Variants in CCDC171 observed in about 807,000 individuals in gnomAD.
The protein encoded by CCDC171 is coiled-coil domain containing 171.
In CCDC171, 177 loss-of-function variants were observed where a neutral mutation model predicts 168.2. The ratio of observed to expected loss-of-function variants is 1.05; its 90% CI spans 0.93 to 1.19. CCDC171 has a LOEUF of 1.19. Ranked by LOEUF, CCDC171 falls within the 50% of genes most tolerant of loss-of-function variation. The probability of loss-of-function intolerance (pLI) is 0.00; values close to 1 mark genes in which losing one functional copy is unlikely to be tolerated. For synonymous variants in CCDC171, 687 were observed against 540.8 expected (o/e 1.27, Z -3.75); for missense variants, 1,991 against 1,539.0 (o/e 1.29, Z -4.91).
intron 25 of CCDC171, among the ~76,000 whole-genome samples, chr9:15,957,388 G>C (rs1429605557): frequency 6.6e-6 from 1 of 152,148 alleles, no homozygotes; most frequent in East Asian, 1.9e-4. Flanking sequence ...CCCGCAGACT[G>C]GAACACAGTT....
chr9:15,897,713 G>C (rs1294734564), intron 24 of CCDC171, among the ~76,000 whole-genome samples: 3 of 152,132 alleles, frequency 2.0e-5, no homozygotes, highest in African/African-American at 7.2e-5. Flanking sequence ...CAATAAAAGA[G>C]AGAATATGGA....
At chr9:15,590,406 C>G (rs544268888) in intron 4 of CCDC171, among the ~76,000 whole-genome samples, 177 of 152,262 alleles carry the variant, frequency 1.2e-3, no homozygotes, top group African/African-American at 4.1e-3. Flanking sequence ...ATTCTTATTT[C>G]TAGTGAGAAT....
At chr9:15,944,860 C>CTTTCTTTCTTTT (rs1828148405) in intron 25 of CCDC171, among the ~76,000 whole-genome samples, 1 of 149,744 alleles carries the variant, frequency 6.7e-6, no homozygotes, top group Non-Finnish European at 1.5e-5. Context: ...TTCTTTCTTT[C>CTTTCTTTCTTTT]TTTCTTTCTT....
intron 25 of CCDC171, among the ~76,000 whole-genome samples, chr9:15,924,149 G>T (rs897849933): frequency 2.0e-5 from 3 of 151,458 alleles, no homozygotes; most frequent in African/African-American, 7.3e-5. Context: ...ACAGATTTCT[G>T]CTTATGTTCC....
intron 25 of CCDC171, among the ~76,000 whole-genome samples, chr9:15,969,000 C>CT (rs1381967190): frequency 2.0e-5 from 3 of 152,108 alleles, no homozygotes; most frequent in Non-Finnish European, 4.4e-5. Context: ...AGAGACTATA[C>CT]TTTTGGGGGG....
intron 21 of CCDC171, among the ~76,000 whole-genome samples, chr9:15,801,291 A>G (rs577381316): frequency 2.6e-5 from 4 of 152,000 alleles, no homozygotes; most frequent in South Asian, 2.1e-4. Flanking sequence ...CATTCTTTCA[A>G]TCATTGTTTT....
At chr9:15,696,646 T>C (rs1408526499) in intron 11 of CCDC171, among the ~76,000 whole-genome samples, 4 of 152,190 alleles carry the variant, frequency 2.6e-5, no homozygotes, top group Admixed American at 2.6e-4. Context: ...TGTCGCAGTA[T>C]AGCATATGCC....
chr9:15,856,498 A>G (rs766910350), intron 23 of CCDC171, among the ~76,000 whole-genome samples: 65 of 151,902 alleles, frequency 4.3e-4, no homozygotes, highest in Non-Finnish European at 7.5e-4. Flanking sequence ...ATTTTGTTGT[A>G]TTTCATAAGA....
intron 3 of CCDC171, among the ~76,000 whole-genome samples, chr9:16,003,394 G>T (rs1235320198): frequency 6.6e-6 from 1 of 152,014 alleles, no homozygotes; most frequent in African/African-American, 2.4e-5. Context: ...TATATTTCCT[G>T]GGCACAGAGC....
intron 25 of CCDC171, among the ~76,000 whole-genome samples, chr9:15,929,032 A>G (rs1826204385): frequency 6.6e-6 from 1 of 151,392 alleles, no homozygotes; most frequent in South Asian, 2.1e-4. Context: ...GTATTTATGT[A>G]AATATAAGTA....
At chr9:15,663,469 T>G (rs2048474081) in intron 8 of CCDC171, among the ~76,000 whole-genome samples, 1 of 152,196 alleles carries the variant, frequency 6.6e-6, no homozygotes, top group Non-Finnish European at 1.5e-5. Context: ...CCTGCTTATT[T>G]TTATTCTTTT....
chr9:15,560,209 G>C (rs2039171805), intron 1 of CCDC171, among the ~76,000 whole-genome samples: 1 of 152,004 alleles, frequency 6.6e-6, no homozygotes, highest in African/African-American at 2.4e-5. Context: ...ATGTGTCTTG[G>C]AGTTGCTCTT....
At chr9:15,695,359 A>T (rs1324209621) in intron 11 of CCDC171, 22 bp downstream of exon 11, 1 of 1,560,610 alleles carries the variant, frequency 6.4e-7, no homozygotes, top group Admixed American at 1.7e-5. Flanking sequence ...GTATAAAATG[A>T]CAGATGCATC....
intron 21 of CCDC171, among the ~76,000 whole-genome samples, chr9:15,830,656 T>A (rs2060192831): frequency 6.6e-6 from 1 of 152,210 alleles, no homozygotes. Flanking sequence ...GAAAACTCTT[T>A]TTCTTTGAAA....
At chr9:15,930,459 A>G (rs1488623349) in intron 25 of CCDC171, among the ~76,000 whole-genome samples, 1 of 151,596 alleles carries the variant, frequency 6.6e-6, no homozygotes, top group Non-Finnish European at 1.5e-5. Flanking sequence ...TCTTTTCAAC[A>G]TACCACTTAA....
At chr9:15,864,762 A>G (rs1407585644) in intron 23 of CCDC171, among the ~76,000 whole-genome samples, 1 of 152,152 alleles carries the variant, frequency 6.6e-6, no homozygotes. Context: ...ATACTAACCA[A>G]GTGCCTAATA....
chr9:16,055,217 G>A (rs933256469), intron 1 of CCDC171, among the ~76,000 whole-genome samples: 5 of 152,184 alleles, frequency 3.3e-5, no homozygotes, highest in South Asian at 4.1e-4. Flanking sequence ...ATCTTTGTTC[G>A]TTTATTTGAT....
At chr9:15,687,310 CTG>C (rs2050466884) in intron 10 of CCDC171, among the ~76,000 whole-genome samples, 1 of 151,826 alleles carries the variant, frequency 6.6e-6, no homozygotes, top group African/African-American at 2.4e-5. Context: ...AAAAAAAATA[CTG>C]GGGCATGGTG....
intron 3 of CCDC171, among the ~76,000 whole-genome samples, chr9:15,996,062 C>G (rs1408411985): frequency 1.3e-5 from 2 of 152,238 alleles, no homozygotes; most frequent in Non-Finnish European, 1.5e-5. Context: ...ATGTTTCACA[C>G]TTACACTGCT....
Sources: allele counts gnomAD v4.1 joint callset (sites outside exome capture counted in the v4.1 genomes callset), GRCh38; gene constraint gnomAD v4.1.1; transcripts MANE v1.5; gene names NCBI Gene and HGNC (gene_info 2026-07-23, HGNC 2026-07-21).